The following APC variants were observed in gnomAD, a reference collection of about 807,000 sequenced individuals.
APC encodes APC regulator of Wnt signaling pathway.
A neutral mutation model predicts 247.0 loss-of-function variants in APC; 72 were observed. The observed-to-expected ratio is 0.29, with a 90% CI of 0.24 to 0.35. APC has a LOEUF of 0.35. Ranked by LOEUF, APC falls within the 10% of genes least tolerant of loss-of-function variation. APC has a pLI of 1.00. For synonymous variants in APC, 1,254 were observed against 1,162.5 expected (o/e 1.08, Z -1.60); for missense variants, 3,400 against 3,360.7 (o/e 1.01, Z -0.29).
At chr5:112,835,814 C>A (rs932870145) in intron 15 of APC, among the ~76,000 whole-genome samples, 1 of 151,746 alleles carries the variant, frequency 6.6e-6, no homozygotes, top group African/African-American at 2.4e-5. Flanking sequence ...CTCCAGTGAC[C>A]CACCTGTCTC....
At chr5:112,778,762 C>T (rs1003273919) in intron 5 of APC, among the ~76,000 whole-genome samples, 1 of 152,116 alleles carries the variant, frequency 6.6e-6, no homozygotes, top group Non-Finnish European at 1.5e-5. Flanking sequence ...CCAGGATGTT[C>T]TTGATATCCT....
intron 10 of APC, among the ~76,000 whole-genome samples, chr5:112,819,626 A>G (rs957990307): frequency 1.3e-5 from 2 of 152,204 alleles, no homozygotes; most frequent in African/African-American, 2.4e-5. Context: ...AACTTGAGCA[A>G]TTATGTTGCC....
chr5:112,766,583 T>G (rs1325341203), intron 3 of APC, among the ~76,000 whole-genome samples, 173 bp downstream of exon 3: 1 of 152,124 alleles, frequency 6.6e-6, no homozygotes, highest in African/African-American at 2.4e-5. Context: ...AAAAATGTAT[T>G]TGTGTGTCAT....
At chr5:112,834,221 G>A (rs2149838020) in intron 14 of APC, among the ~76,000 whole-genome samples, 1 of 146,234 alleles carries the variant, frequency 6.8e-6, no homozygotes, top group East Asian at 2.0e-4. Flanking sequence ...TTACAGGCAT[G>A]AGCCACCACG....
intron 13 of APC, among the ~76,000 whole-genome samples, chr5:112,828,516 G>A (rs188286072): frequency 2.3e-4 from 34 of 150,894 alleles, no homozygotes; most frequent in Middle Eastern, 6.9e-3. Context: ...GCAGTGGTGC[G>A]ATTATGGCTC....
chr5:112,708,671 C>T (rs1750673249), intron 1 of APC, among the ~76,000 whole-genome samples: 1 of 152,338 alleles, frequency 6.6e-6, no homozygotes, highest in East Asian at 1.9e-4. Flanking sequence ...CTACTGACGT[C>T]TTAGAATTCC....
chr5:112,816,443 A>G (rs1174102425), intron 9 of APC, among the ~76,000 whole-genome samples: 2 of 152,226 alleles, frequency 1.3e-5, no homozygotes, highest in South Asian at 2.1e-4. Context: ...TTCTTAGAGT[A>G]TCTTTCTTAG....
intron 2 of APC, among the ~76,000 whole-genome samples, chr5:112,758,883 A>G (rs541063576): frequency 4.0e-4 from 61 of 152,304 alleles, no homozygotes; most frequent in African/African-American, 1.4e-3. Context: ...AATTACAGGC[A>G]TGAGTCACCG....
chr5:112,710,770 C>A (rs566843979), intron 1 of APC, among the ~76,000 whole-genome samples: 4 of 152,298 alleles, frequency 2.6e-5, no homozygotes, highest in African/African-American at 7.2e-5. Flanking sequence ...TTTAAAACCA[C>A]TTTAGTAGCT....
intron 14 of APC, among the ~76,000 whole-genome samples, chr5:112,833,564 T>C (rs754170355): frequency 4.6e-5 from 7 of 152,138 alleles, no homozygotes; most frequent in Non-Finnish European, 1.0e-4. Context: ...GCTTAAGTGA[T>C]CCACCCACCT....
intron 1 of APC, 73 bp downstream of exon 1, chr5:112,737,998 T>G: frequency 2.2e-6 from 2 of 929,412 alleles, no homozygotes; most frequent in Non-Finnish European, 2.6e-6. Flanking sequence ...TCGCACTGTC[T>G]TAAACCGATG....
At position 112,739,784 on chromosome 5, in the gene APC, A is replaced by G. The variant is rs553193741; in HGVS notation, c.-19+1859A>G. 3.9e-3 allele frequency among the ~76,000 whole-genome samples: 591 copies of G among 152,346 alleles called. 4 individuals carry two copies. Among genetic ancestry groups the G allele is most frequent in the Non-Finnish European group, 2.1e-3 (141 of 68,018 alleles). On this transcript the variant is annotated intron_variant, in intron 1 of 15. Coordinates refer to ENST00000257430, the MANE Select transcript of APC (RefSeq NM_000038.6). ...TAAAGATGTCACATTAAAATTCCAAATGACATTTAACAGCTAATATTACTC... is the reference window on the plus strand; with the variant it reads ...TAAAGATGTCACATTAAAATTCCAAGTGACATTTAACAGCTAATATTACTC...
intron 1 of APC, among the ~76,000 whole-genome samples, chr5:112,708,547 A>C (rs949743207): frequency 1.3e-5 from 2 of 152,150 alleles, no homozygotes; most frequent in African/African-American, 4.8e-5. Context: ...AGAATTGGAA[A>C]CTGTTATATT....
At position 112,836,168 on chromosome 5, in the gene APC, C is replaced by T. The variant is rs1400172182; in HGVS notation, c.1958+1003C>T. On this transcript the variant is annotated intron_variant, in intron 15 of 15. Transcript: ENST00000257430. The stretch of plus-strand genomic sequence containing the variant: ...CCCGAGTAGCTGGGATTACAGGTCC[C>T]CCCCCCCCCCCGCCACCGTGCCCGG... Among the ~76,000 whole-genome samples, 6 of 60,532 alleles carry T rather than the reference C, an allele frequency of 9.9e-5. 2 individuals carry two copies. The highest frequency in any genetic ancestry group is 2.3e-3 in the East Asian group (2 of 852). The allele number at this position is 60,532 out of a possible 152,430, so 39.7% of individuals were successfully genotyped here.
intron 4 of APC, among the ~76,000 whole-genome samples, chr5:112,773,165 G>A (rs1757243232): frequency 6.6e-6 from 1 of 152,070 alleles, no homozygotes; most frequent in South Asian, 2.1e-4. Context: ...AAGAACAAAA[G>A]CTTATTTCTT....
In APC at chr5:112,770,137, A is replaced by T. The variant is rs535904869; in HGVS notation, c.422+2747A>T. ...AGAGAAAAATATTAATTTTTGAAAT[A>T]AGTTTTACTGCAAATACTAGTAAAC... On this transcript the variant is annotated intron_variant, in intron 4 of 15. Transcript: ENST00000257430. Among the ~76,000 whole-genome samples the T allele has an allele frequency of 7.2e-5, 11 of 152,326 alleles. No homozygotes were observed. In the East Asian group the frequency reaches 1.7e-3, roughly 24 times the overall value.
intron 7 of APC, among the ~76,000 whole-genome samples, chr5:112,797,090 C>G (rs933161296): frequency 6.6e-6 from 1 of 152,030 alleles, no homozygotes; most frequent in African/African-American, 2.4e-5. Context: ...CTGTTCAAAA[C>G]TTTTTATTCA....
intron 4 of APC, 99 bp downstream of exon 4, chr5:112,767,489 C>A: frequency 2.1e-6 from 2 of 961,090 alleles, no homozygotes; most frequent in Non-Finnish European, 3.2e-6. Flanking sequence ...TAGGTGATAG[C>A]TAACACTTAG....
intron 1 of APC, among the ~76,000 whole-genome samples, chr5:112,754,445 T>G (rs1754728044): frequency 6.6e-6 from 1 of 152,190 alleles, no homozygotes; most frequent in Non-Finnish European, 1.5e-5. Flanking sequence ...TAATCCATTC[T>G]GGCTCTAAAA....
Sources: gnomAD v4.1 joint callset for allele counts (sites outside exome capture counted in the v4.1 genomes callset) on GRCh38, gnomAD v4.1.1 for gene constraint, MANE v1.5 for transcripts, NCBI Gene and HGNC (gene_info 2026-07-23, HGNC 2026-07-21) for gene names.